The following ADGRL2 variants were observed in gnomAD, a reference collection of about 807,000 sequenced individuals.
The protein encoded by ADGRL2 is adhesion G protein-coupled receptor L2.
ADGRL2 carries 44 observed loss-of-function variants against 157.4 expected under a neutral mutation model. The ratio of observed to expected loss-of-function variants is 0.28; its 90% CI spans 0.22 to 0.36. The LOEUF (loss-of-function observed/expected upper bound fraction) is 0.36. Ranked by LOEUF, ADGRL2 falls within the 10% of genes least tolerant of loss-of-function variation. The pLI is 1.00. For synonymous variants in ADGRL2, 585 were observed against 624.7 expected (o/e 0.94, Z 0.95); for missense variants, 1,510 against 1,768.9 (o/e 0.85, Z 2.63).
At chr1:81,985,178 G>T in intron 20 of ADGRL2, 81 bp from the exon 21 acceptor site, 1 of 736,166 alleles carries the variant, frequency 1.4e-6, no homozygotes, top group Non-Finnish European at 2.3e-6. Context: ...GGTTGTTTAG[G>T]GTAAATCCTT....
chr1:81,658,988 G>A (rs2082594519), intron 3 of ADGRL2, among the ~76,000 whole-genome samples: 1 of 151,382 alleles, frequency 6.6e-6, no homozygotes, highest in Non-Finnish European at 1.5e-5. Flanking sequence ...CTGACCTCAG[G>A]TGATCCACCC....
At chr1:81,555,269 T>C (rs954855505) in intron 2 of ADGRL2, among the ~76,000 whole-genome samples, 1 of 149,320 alleles carries the variant, frequency 6.7e-6, no homozygotes, top group Non-Finnish European at 1.5e-5. Context: ...TCTTTTCTTT[T>C]TTTTTTTTTT....
intron 1 of ADGRL2, among the ~76,000 whole-genome samples, chr1:81,366,338 T>TA (rs1427035643): frequency 6.6e-6 from 1 of 152,008 alleles, no homozygotes; most frequent in Non-Finnish European, 1.5e-5. Flanking sequence ...TATGTTCTTT[T>TA]AAAAAGACTT....
chr1:81,619,274 GC>G (rs775578270), intron 3 of ADGRL2, among the ~76,000 whole-genome samples: 1 of 108,960 alleles, frequency 9.2e-6, no homozygotes, highest in Non-Finnish European at 2.0e-5. Context: ...CACAGTTGTG[GC>G]TTTTTTTTTT....
At position 81,524,234 on chromosome 1, in the gene ADGRL2, C is replaced by T. The variant is rs562345559; in HGVS notation, c.-247-56642C>T. 2.1e-4 allele frequency among the ~76,000 whole-genome samples: 32 copies of T among 152,004 alleles called. No homozygotes were observed. The South Asian group carries it at 5.8e-3, about 28-fold the overall frequency. ...ACAAAAAATTAGCCGGATGTGGTGACGGGCGCCTGTAGTCCCAGCTACTCG... is the reference window on the plus strand; with the variant it reads ...ACAAAAAATTAGCCGGATGTGGTGATGGGCGCCTGTAGTCCCAGCTACTCG... On this transcript the variant is annotated intron_variant, in intron 2 of 24. Transcript: ENST00000370721.
chr1:81,661,837 A>G (rs1366220824), intron 3 of ADGRL2, among the ~76,000 whole-genome samples: 1 of 152,166 alleles, frequency 6.6e-6, no homozygotes, highest in East Asian at 1.9e-4. Flanking sequence ...GAATGTATTG[A>G]AAACAACAGG....
intron 17 of ADGRL2, among the ~76,000 whole-genome samples, chr1:81,976,762 CTGATTGTGGGATGCTAGTGT>C (rs1208649999): frequency 6.6e-6 from 1 of 151,770 alleles, no homozygotes; most frequent in African/African-American, 2.4e-5. Context: ...TGGCCAATTG[CTGATTGTGGGATGCTAGTGT>C]TTTACAAAGG....
chr1:81,557,535 A>C (rs1003054647), intron 2 of ADGRL2: 2 of 150,516 alleles, frequency 1.3e-5, no homozygotes, highest in African/African-American at 2.4e-5. Context: ...GAGAAGAAAG[A>C]AAGAAAGCAA....
intron 1 of ADGRL2, among the ~76,000 whole-genome samples, chr1:81,715,725 G>A (rs1347367801): frequency 2.0e-5 from 3 of 152,060 alleles, no homozygotes; most frequent in African/African-American, 7.2e-5. Context: ...GTGCTGAGGG[G>A]GAAATATCTC....
chr1:81,805,271 TG>T (rs1437296243), intron 1 of ADGRL2, among the ~76,000 whole-genome samples: 2 of 152,096 alleles, frequency 1.3e-5, no homozygotes, highest in Admixed American at 6.6e-5. Flanking sequence ...CAAGTGCAGA[TG>T]GGTCAAGGGG....
At chr1:81,734,680 T>C (rs926514899) in intron 1 of ADGRL2, among the ~76,000 whole-genome samples, 1 of 148,360 alleles carries the variant, frequency 6.7e-6, no homozygotes, top group Non-Finnish European at 1.5e-5. Flanking sequence ...GCACAAGGCA[T>C]TATTTTGGTA....
intron 2 of ADGRL2, among the ~76,000 whole-genome samples, chr1:81,892,235 T>C (rs1450529051): frequency 6.6e-6 from 1 of 152,116 alleles, no homozygotes; most frequent in Non-Finnish European, 1.5e-5. Flanking sequence ...GTCAGTTAAC[T>C]CCTTGTCCGG....
intron 3 of ADGRL2, among the ~76,000 whole-genome samples, chr1:81,659,032 G>A (rs184056881): frequency 2.4e-4 from 36 of 147,622 alleles, no homozygotes; most frequent in South Asian, 6.5e-4. Context: ...GTTTACAGGC[G>A]TGAGCCACCA....
intron 1 of ADGRL2, among the ~76,000 whole-genome samples, chr1:81,440,515 T>C (rs983423280): frequency 2.6e-5 from 4 of 152,200 alleles, no homozygotes; most frequent in African/African-American, 9.7e-5. Context: ...TTACCTTTGG[T>C]AAATTTAGAC....
At chr1:81,513,277 T>A (rs1030308287) in intron 2 of ADGRL2, among the ~76,000 whole-genome samples, 2 of 152,302 alleles carry the variant, frequency 1.3e-5, no homozygotes, top group African/African-American at 4.8e-5. Flanking sequence ...TCTGTATCCT[T>A]AGGCATCAAA....
At chr1:81,707,035 C>T (rs1308758236) in intron 1 of ADGRL2, among the ~76,000 whole-genome samples, 1 of 152,132 alleles carries the variant, frequency 6.6e-6, no homozygotes, top group African/African-American at 2.4e-5. Flanking sequence ...GGGACTACCT[C>T]AAAGGGTGAG....
intron 2 of ADGRL2, among the ~76,000 whole-genome samples, chr1:81,775,424 A>G (rs891822949): frequency 2.0e-5 from 3 of 152,172 alleles, no homozygotes; most frequent in African/African-American, 7.2e-5. Flanking sequence ...TACTTAGACA[A>G]CAAAAAGAAA....
intron 3 of ADGRL2, among the ~76,000 whole-genome samples, chr1:81,677,574 C>T (rs1174300700): frequency 2.6e-5 from 4 of 152,192 alleles, no homozygotes; most frequent in Admixed American, 6.5e-5. Flanking sequence ...CTGTCTCCCA[C>T]GTGTCCTATT....
intron 3 of ADGRL2, among the ~76,000 whole-genome samples, chr1:81,617,483 G>C (rs1476473128): frequency 5.3e-5 from 8 of 152,318 alleles, no homozygotes; most frequent in East Asian, 1.9e-4. Flanking sequence ...TAGGTTATCT[G>C]TTGCAATCTC....
Sources: allele counts gnomAD v4.1 joint callset (sites outside exome capture counted in the v4.1 genomes callset), GRCh38; gene constraint gnomAD v4.1.1; transcripts MANE v1.5; gene names NCBI Gene and HGNC (gene_info 2026-07-23, HGNC 2026-07-21).